The following NR2C2 variants were observed in gnomAD, a reference collection of about 807,000 sequenced individuals.
NR2C2 encodes nuclear receptor subfamily 2 group C member 2, also known as Nuclear hormone receptor TR4.
A neutral mutation model predicts 62.9 loss-of-function variants in NR2C2; 6 were observed. That is an observed-to-expected ratio of 0.10 (90% CI 0.05 to 0.19). The LOEUF (loss-of-function observed/expected upper bound fraction) is 0.19, where lower values mean the gene tolerates loss of function less well. Ranked by LOEUF, NR2C2 falls within the 10% of genes least tolerant of loss-of-function variation. NR2C2 has a pLI of 1.00. For synonymous variants in NR2C2, 272 were observed against 273.8 expected (o/e 0.99, Z 0.07); for missense variants, 479 against 762.7 (o/e 0.63, Z 4.38).
intron 1 of NR2C2, among the ~76,000 whole-genome samples, chr3:14,998,194 A>G (rs936014902): frequency 6.6e-6 from 1 of 152,098 alleles, no homozygotes; most frequent in East Asian, 1.9e-4. Context: ...AGTTGTTTCT[A>G]CTTTTTGCCT....
At chr3:14,953,414 G>A (rs985977127) in intron 1 of NR2C2, among the ~76,000 whole-genome samples, 2 of 152,174 alleles carry the variant, frequency 1.3e-5, no homozygotes, top group African/African-American at 2.4e-5. Flanking sequence ...CTTGGGGCCT[G>A]GAAAATGGGG....
chr3:14,947,609 C>G lies in NR2C2; in HGVS notation c.-337C>G, dbSNP rs945360128. ...AACATTCGCCCTCCTCCTACCAGCG[C>G]GCGGGCGGCGGCGGCGGCGGCACCG... is the stretch of plus-strand genomic sequence containing the variant. On this transcript the variant is annotated 5_prime_UTR_variant, in exon 1 of 14. Coordinates refer to ENST00000425241, the MANE Select transcript of NR2C2 (RefSeq NM_001291694.2). The G allele has an allele frequency of 2.6e-5, 4 of 153,372 alleles. No homozygotes were observed. The highest frequency in any genetic ancestry group is 5.8e-5 in the Non-Finnish European group (4 of 69,426). 9.5% of individuals were successfully genotyped at this position (153,372 alleles called of 1,614,324 possible). A position where few individuals can be genotyped will look rare whatever the true frequency, so the allele number is the denominator to read the frequency against.
At chr3:14,953,894 C>CAAAAAAAAAAAAA (rs538255184) in intron 1 of NR2C2, among the ~76,000 whole-genome samples, 1 of 74,320 alleles carries the variant, frequency 1.3e-5, no homozygotes, top group African/African-American at 4.1e-5. Flanking sequence ...GACTTCATCT[C>CAAAAAAAAAAAAA]AAAAAAAAAA....
chr3:14,973,697 T>C (rs1443922569), intron 1 of NR2C2, among the ~76,000 whole-genome samples: 1 of 152,244 alleles, frequency 6.6e-6, no homozygotes, highest in Non-Finnish European at 1.5e-5. Context: ...CCTTTCTTCA[T>C]TGAATGGTCT....
chr3:14,959,003 A>G (rs566269405), intron 1 of NR2C2, among the ~76,000 whole-genome samples: 1 of 152,350 alleles, frequency 6.6e-6, no homozygotes, highest in South Asian at 2.1e-4. Flanking sequence ...AAATTGTGCT[A>G]GTGAAGATAG....
At chr3:14,961,691 CT>C (rs1172116516) in intron 1 of NR2C2, among the ~76,000 whole-genome samples, 3 of 152,216 alleles carry the variant, frequency 2.0e-5, no homozygotes, top group East Asian at 1.9e-4. Flanking sequence ...CTAGCACACT[CT>C]TTGATCTTTA....
intron 7 of NR2C2, among the ~76,000 whole-genome samples, chr3:15,024,831 A>AAG (rs1318690588): frequency 6.6e-6 from 1 of 152,196 alleles, no homozygotes; most frequent in Non-Finnish European, 1.5e-5. Flanking sequence ...CCACAACTCT[A>AAG]AGAGGGTGAC....
At chr3:15,004,761 T>C (rs2041119914) in intron 2 of NR2C2, 1 of 965,530 alleles carries the variant, frequency 1.0e-6, no homozygotes, top group African/African-American at 1.6e-5. Flanking sequence ...TTTATCAGTT[T>C]TTTTGGCTCA....
At chr3:14,961,441 C>T (rs1425140128) in intron 1 of NR2C2, among the ~76,000 whole-genome samples, 2 of 152,172 alleles carry the variant, frequency 1.3e-5, no homozygotes, top group Non-Finnish European at 2.9e-5. Flanking sequence ...CTCAATAATA[C>T]TGTATAGTTT....
At chr3:14,984,477 C>G (rs2040460448) in intron 1 of NR2C2, among the ~76,000 whole-genome samples, 1 of 152,178 alleles carries the variant, frequency 6.6e-6, no homozygotes, top group African/African-American at 2.4e-5. Context: ...CTAGCCACAT[C>G]TATCCCTAGG....
chr3:14,967,804 A>G (rs1182274252), intron 1 of NR2C2, among the ~76,000 whole-genome samples: 1 of 152,360 alleles, frequency 6.6e-6, no homozygotes, highest in East Asian at 1.9e-4. Flanking sequence ...AGATCAATGC[A>G]ACAGAACAGA....
intron 1 of NR2C2, among the ~76,000 whole-genome samples, chr3:14,968,202 A>G (rs1038348511): frequency 5.3e-5 from 8 of 152,216 alleles, no homozygotes; most frequent in Non-Finnish European, 1.2e-4. Flanking sequence ...TGAACAGGCA[A>G]CCTACAAAAT....
Position 15,028,544 on chromosome 3 carries a change from T to C in NR2C2, c.799-42T>C, listed in dbSNP as rs577231097. On this transcript the variant is annotated intron_variant, in intron 7 of 13. Transcript: ENST00000425241. ...TTCATTGGCCTGAGAGTCATTTGCG[T>C]ATCTGTGTTCATTTTTAATGTCAGT... The C allele has an allele frequency of 7.5e-5, 120 of 1,592,744 alleles. 1 individual carries two copies. The East Asian group carries it at 2.0e-3, about 26-fold the overall frequency.
In NR2C2 at chr3:15,039,126, TC is replaced by T. The variant is rs747825484; in HGVS notation, c.1517del (p.Pro506GlnfsTer3). The T allele has an allele frequency of 6.2e-7, 1 of 1,612,204 alleles. No individual in the cohort carries two copies. Among genetic ancestry groups the T allele is most frequent in the South Asian group, 1.1e-5 (1 of 91,026 alleles). On this transcript the variant is annotated frameshift_variant, in exon 13 of 14. Transcript: ENST00000425241. LOFTEE classifies it high-confidence loss of function. ...KAIVLFSPDHPGLTSTSQIEK... is the reference protein window; with the variant it reads ...KAIVLFSPDHXGLTSTSQIEK... Reference sequence around the variant, plus strand: ...GGGGTACTTTTCTGTTTTCAGATCATCCAGGTTTGACCAGCACAAGCCAGAT... The same window carrying T: ...GGGGTACTTTTCTGTTTTCAGATCATCAGGTTTGACCAGCACAAGCCAGAT...
chr3:15,001,056 C>G (rs946787018), intron 1 of NR2C2, among the ~76,000 whole-genome samples: 1 of 152,006 alleles, frequency 6.6e-6, no homozygotes, highest in Non-Finnish European at 1.5e-5. Context: ...CCTTGTGATG[C>G]ACCTGCCTCG....
intron 2 of NR2C2, among the ~76,000 whole-genome samples, chr3:15,004,964 G>A (rs1472294867): frequency 1.3e-5 from 2 of 151,952 alleles, no homozygotes; most frequent in African/African-American, 4.8e-5. Context: ...TGTTGCCCAG[G>A]CTGGTCTTGA....
At chr3:14,971,278 C>T (rs1280541013) in intron 1 of NR2C2, among the ~76,000 whole-genome samples, 3 of 151,410 alleles carry the variant, frequency 2.0e-5, no homozygotes, top group Non-Finnish European at 2.9e-5. Flanking sequence ...CCATCATGCC[C>T]TGCTAATTTT....
rs1253210489 is a variant in NR2C2 at position 14,990,595 on chromosome 3, A to G, written c.-39-13281A>G. Among the ~76,000 whole-genome samples, 4 of 152,164 alleles carry G rather than the reference A, an allele frequency of 2.6e-5. No individual in the cohort carries two copies. The East Asian group carries it at 7.7e-4, about 29-fold the overall frequency. ...AAGCAAATGCCTGTGAGTTCCCTCAACCAACCTCTGGCCTTTTGGGTTGGA... is the reference window on the plus strand; with the variant it reads ...AAGCAAATGCCTGTGAGTTCCCTCAGCCAACCTCTGGCCTTTTGGGTTGGA... On this transcript the variant is annotated intron_variant, in intron 1 of 13. Coordinates refer to ENST00000425241, the MANE Select transcript of NR2C2 (RefSeq NM_001291694.2).
chr3:14,952,038 G>A (rs7625950), intron 1 of NR2C2, among the ~76,000 whole-genome samples: 10,899 of 152,300 alleles, frequency 0.072, 430 homozygotes, highest in Middle Eastern at 0.099. Flanking sequence ...GAGCCACTGC[G>A]CCCAGCAACT....
Sources: gnomAD v4.1 joint callset for allele counts (sites outside exome capture counted in the v4.1 genomes callset) on GRCh38, gnomAD v4.1.1 for gene constraint, MANE v1.5 for transcripts, NCBI Gene and HGNC (gene_info 2026-07-23, HGNC 2026-07-21) for gene names.